Variants in SIM1 observed in about 807,000 individuals in gnomAD.
The protein encoded by SIM1 is SIM bHLH transcription factor 1.
SIM1 carries 18 observed loss-of-function variants against 78.2 expected under a neutral mutation model. That is an observed-to-expected ratio of 0.23 (90% CI 0.16 to 0.34). The LOEUF is 0.34. Ranked by LOEUF, SIM1 falls within the 10% of genes least tolerant of loss-of-function variation. SIM1 has a pLI of 1.00. For missense variants in SIM1, 939 were observed against 975.1 expected (o/e 0.96, Z 0.49); for synonymous variants, 417 against 385.2 (o/e 1.08, Z -0.97).
intron 9 of SIM1, among the ~76,000 whole-genome samples, chr6:100,421,193 C>A (rs1771571743): frequency 6.6e-6 from 1 of 152,004 alleles, no homozygotes; most frequent in Non-Finnish European, 1.5e-5. Context: ...ACACATAATT[C>A]AAATTCTCTG....
chr6:100,409,642 T>C lies in SIM1; in HGVS notation c.1167+11148A>G, dbSNP rs1457646619. Among the ~76,000 whole-genome samples the C allele has an allele frequency of 3.3e-5, 5 of 152,158 alleles. No individual in the cohort carries two copies. The East Asian group carries it at 9.6e-4, about 29-fold the overall frequency. On this transcript the variant is annotated intron_variant, in intron 10 of 11. Transcript: ENST00000369208. ...AGGTGTAAAGTTAAGTTATATGAAA[T>C]CTTTATTTTTTTCTTAATGTAAGTG...
At position 100,393,717 on chromosome 6, in the gene SIM1, T is replaced by C; in HGVS notation, c.1340A>G (p.Tyr447Cys). 1.2e-6 allele frequency: 2 copies of C among 1,614,188 alleles called. No homozygotes were observed. The highest frequency in any genetic ancestry group is 2.2e-5 in the East Asian group (1 of 44,878). Residue 447 changes from tyrosine to cysteine, a missense_variant, in exon 11 of 12, where the codon TAT (tyrosine) becomes TGT (cysteine). This residue lies in a region of SIM1 where 556 missense variants were observed against 521.9 expected (regional missense o/e 1.07). Coordinates refer to ENST00000369208, the MANE Select transcript of SIM1 (RefSeq NM_005068.3). ...CCTCGAGTGGTCAAGCGCAAAGCCA[T>C]AGCAGAGAGAGCTGCGGTCCGAAAA... ...RQFSDRSSLC[Y>C]GFALDHSRLV... is the part of the protein sequence containing the mutation.
At chr6:100,413,361 A>G (rs1437707941) in intron 10 of SIM1, among the ~76,000 whole-genome samples, 1 of 152,208 alleles carries the variant, frequency 6.6e-6, no homozygotes, top group Non-Finnish European at 1.5e-5. Flanking sequence ...TACCACGGGC[A>G]ACATCTCCTA....
intron 9 of SIM1, among the ~76,000 whole-genome samples, chr6:100,421,502 T>A (rs919458559): frequency 4.6e-5 from 7 of 152,210 alleles, no homozygotes; most frequent in Admixed American, 2.6e-4. Flanking sequence ...GTTTATTCAA[T>A]AAATATTTAT....
intron 2 of SIM1, among the ~76,000 whole-genome samples, chr6:100,461,101 C>G (rs2114559001): frequency 6.6e-6 from 1 of 152,216 alleles, no homozygotes; most frequent in Non-Finnish European, 1.5e-5. Context: ...GAGGGGGCTG[C>G]AGAAAGCACA....
At chr6:100,395,679 G>A (rs138136985) in intron 10 of SIM1, among the ~76,000 whole-genome samples, 1 of 152,186 alleles carries the variant, frequency 6.6e-6, no homozygotes, top group African/African-American at 2.4e-5. Context: ...TGTCGCCCAT[G>A]ATGAGAACTT....
intron 10 of SIM1, among the ~76,000 whole-genome samples, chr6:100,405,237 C>T (rs898958445): frequency 6.6e-6 from 1 of 151,878 alleles, no homozygotes; most frequent in African/African-American, 2.4e-5. Context: ...TTAAAAAAAA[C>T]TTCAAGAAAA....
intron 10 of SIM1, among the ~76,000 whole-genome samples, chr6:100,400,903 C>T (rs1205550864): frequency 6.6e-6 from 1 of 151,678 alleles, no homozygotes; most frequent in Non-Finnish European, 1.5e-5. Context: ...TGATAAATCT[C>T]GGGGAAAAAC....
At position 100,387,976 on chromosome 6, in the gene SIM1, C is replaced by T. The variant is rs567257457; in HGVS notation, c.*2385G>A. On this transcript the variant is annotated 3_prime_UTR_variant, in exon 12 of 12. Coordinates refer to ENST00000369208, the MANE Select transcript of SIM1 (RefSeq NM_005068.3). ...GTGAAAATTACCTTTCCAAAATACACCATATTCATCAAATATTTTTTCTTC... is the reference window on the plus strand; with the variant it reads ...GTGAAAATTACCTTTCCAAAATACATCATATTCATCAAATATTTTTTCTTC... The T allele has an allele frequency of 6.6e-6, 1 of 152,254 alleles. No homozygotes were observed. Among genetic ancestry groups the T allele is most frequent in the South Asian group, 2.1e-4 (1 of 4,824 alleles). The allele number at this position is 152,254 out of a possible 1,614,324, so 9.4% of individuals were successfully genotyped here.
chr6:100,412,620 GAAGGAAAGAAAGAAAGA>G lies in SIM1; in HGVS notation c.1167+8153_1167+8169del, dbSNP rs1254845932. ...GAAAGAAAGAAAGAAAGGAAAGAAAGAAGGAAAGAAAGAAAGAAAAGAAAGAAAGAAAGAAAGAGAGA... is the reference window on the plus strand; with the variant it reads ...GAAAGAAAGAAAGAAAGGAAAGAAAGAAAGAAAGAAAGAAAGAAAGAGAGA... On this transcript the variant is annotated intron_variant, in intron 10 of 11. Transcript: ENST00000369208. Among the ~76,000 whole-genome samples, 75 of 86,696 alleles carry G rather than the reference GAAGGAAAGAAAGAAAGA, an allele frequency of 8.7e-4. 5 individuals are homozygous for G. The highest frequency in any genetic ancestry group is 5.9e-3 in the East Asian group (6 of 1,014). 56.9% of individuals were successfully genotyped at this position (86,696 alleles called of 152,430 possible). A position where few individuals can be genotyped will look rare whatever the true frequency, so the allele number is the denominator to read the frequency against.
intron 10 of SIM1, among the ~76,000 whole-genome samples, chr6:100,407,163 C>A (rs1049251614): frequency 2.6e-5 from 4 of 152,124 alleles, no homozygotes; most frequent in Admixed American, 1.3e-4. Context: ...AATAATATTT[C>A]ATTGTATATA....
At chr6:100,416,433 A>G (rs1458072225) in intron 10 of SIM1, among the ~76,000 whole-genome samples, 1 of 152,156 alleles carries the variant, frequency 6.6e-6, no homozygotes, top group Non-Finnish European at 1.5e-5. Flanking sequence ...GAATCATTAA[A>G]CCACCATTTA....
chr6:100,416,991 A>AG (rs1554221291), intron 10 of SIM1, among the ~76,000 whole-genome samples: 1 of 151,784 alleles, frequency 6.6e-6, no homozygotes. Context: ...AAAAAAAAAA[A>AG]CAAACTCTAA....
intron 10 of SIM1, among the ~76,000 whole-genome samples, chr6:100,418,515 A>G (rs1771472375): frequency 6.6e-6 from 1 of 152,276 alleles, no homozygotes; most frequent in Admixed American, 6.5e-5. Flanking sequence ...TGGAAGGGGT[A>G]GTCTAATGGT....
intron 10 of SIM1, among the ~76,000 whole-genome samples, chr6:100,401,102 C>T (rs1582609017): frequency 6.6e-6 from 1 of 152,020 alleles, no homozygotes. Flanking sequence ...ACAGACACTC[C>T]GAAGACACAA....
rs1023088052 is a variant in SIM1, at chr6:100,385,011, A to C, written c.*5350T>G. The stretch of plus-strand genomic sequence containing the variant: ...TTCTTTCAATGAATAACCCAGACTC[A>C]AAGTGCATATTGGTAACTATATTTT... On this transcript the variant is annotated 3_prime_UTR_variant, in exon 12 of 12. Coordinates refer to ENST00000369208, the MANE Select transcript of SIM1 (RefSeq NM_005068.3). The C allele has an allele frequency of 6.6e-6, 1 of 152,006 alleles. No individual in the cohort carries two copies. The highest frequency in any genetic ancestry group is 2.4e-5 in the African/African-American group (1 of 41,398). 9.4% of individuals were successfully genotyped at this position (152,006 alleles called of 1,614,324 possible). A position where few individuals can be genotyped will look rare whatever the true frequency, so the allele number is the denominator to read the frequency against.
intron 9 of SIM1, among the ~76,000 whole-genome samples, chr6:100,425,039 C>T (rs1311658950): frequency 6.6e-6 from 1 of 152,048 alleles, no homozygotes; most frequent in Non-Finnish European, 1.5e-5. Context: ...GTGGGAGGGA[C>T]CCAGGGGGAG....
rs1489368747 is a variant in SIM1, at chr6:100,390,633, A to G, written c.2029T>C (p.Tyr677His). The G allele has an allele frequency of 6.2e-7, 1 of 1,614,078 alleles. No homozygotes were observed. Among genetic ancestry groups the G allele is most frequent in the African/African-American group, 1.3e-5 (1 of 74,928 alleles). The change falls in exon 12 of 12, where the codon TAT becomes CAT. Residue 677 changes from tyrosine to histidine, a missense_variant. Around this residue, in one of 5 missense-constraint regions of SIM1, gnomAD observed 556 missense variants for 521.9 expected, o/e 1.07. Transcript: ENST00000369208. Reference protein sequence around the residue: ...SKSSLILAKDYLHSDISPHQT... With the variant: ...SKSSLILAKDHLHSDISPHQT... ...TGAGGAGATATATCCGAATGCAGAT[A>G]GTCTTTAGCTAGGATCAAACTGGAT...
At chr6:100,410,052 G>T (rs576293642) in intron 10 of SIM1, among the ~76,000 whole-genome samples, 1 of 152,146 alleles carries the variant, frequency 6.6e-6, no homozygotes, top group South Asian at 2.1e-4. Context: ...ACTATAATAC[G>T]CCAAGAGAGT....
Sources: gnomAD v4.1 joint callset for allele counts (sites outside exome capture counted in the v4.1 genomes callset) on GRCh38, gnomAD v4.1.1 for gene constraint, gnomAD v4.1.1 regional missense constraint, MANE v1.5 for transcripts, NCBI Gene and HGNC (gene_info 2026-07-23, HGNC 2026-07-21) for gene names.